Variants in SLC25A43 observed in about 807,000 individuals in gnomAD.
SLC25A43 encodes the protein solute carrier family 25 member 43.
Under a neutral mutation model 22.8 loss-of-function variants are expected in SLC25A43, and 10 were observed. That is an observed-to-expected ratio of 0.44 (90% confidence interval 0.27 to 0.74). SLC25A43 has a LOEUF of 0.74. Ranked by LOEUF, SLC25A43 falls within the 30% of genes least tolerant of loss-of-function variation. The pLI is 0.17. For synonymous variants in SLC25A43, 106 were observed against 121.6 expected, an observed-to-expected ratio of 0.87 and a Z score of 0.84; for missense variants, 233 against 279.1, an observed-to-expected ratio of 0.83 and a Z score of 1.18.
chrX:119,399,555 G>T lies in SLC25A43; in HGVS notation c.152G>T (p.Gly51Val). 1 of 1,064,101 alleles carries T rather than the reference G, an allele frequency of 9.4e-7. No homozygotes were observed. The highest frequency in any genetic ancestry group is 1.2e-6 in the Non-Finnish European group (1 of 826,004). The allele number at this position is 1,064,101 out of a possible 1,213,427, so 87.7% of individuals were successfully genotyped here. A position where few individuals can be genotyped will look rare whatever the true frequency, so the allele number is the denominator to read the frequency against. ...GGCGTCGTGCGAGGCCACGCCCGGG[G>T]ACCGTGGGCCACAGGGCACCGGGTG... ...QVGVVRGHARGPWATGHRVWR... is the reference protein window; with the variant it reads ...QVGVVRGHARVPWATGHRVWR... The change falls in exon 1 of 5, where the codon GGA (glycine) becomes GTA (valine). Residue 51 changes from glycine to valine, a missense_variant. Physicochemically the swap from Gly to Val is moderately radical, Grantham distance 109. Transcript: ENST00000217909.
Position 119,406,677 on chromosome X carries a change from C to G in SLC25A43, c.493C>G (p.Arg165Gly). The G allele has an allele frequency of 8.3e-7, 1 of 1,211,588 alleles. No homozygotes were observed. The highest frequency in any genetic ancestry group is 1.1e-6 in the Non-Finnish European group (1 of 895,264). Residue 165 changes from arginine to glycine, a missense_variant, in exon 2 of 5, where the codon CGA becomes GGA. Coordinates refer to ENST00000217909, the MANE Select transcript of SLC25A43 (RefSeq NM_145305.3). Reference protein sequence around the residue: ...YQQEGFLALYRGVSLTVVGAL... With the variant: ...YQQEGFLALYGGVSLTVVGAL... ...ACAGGAAGGGTTCCTTGCCCTTTAT[C>G]GAGGGGTTTCCCTCACTGTTGTAGG...
At chrX:119,401,342 G>C (rs2052235869) in intron 1 of SLC25A43, among the ~76,000 whole-genome samples, 1 of 111,752 alleles carries the variant, frequency 8.9e-6, no homozygotes. Context: ...GAAGGGGCAT[G>C]GTCCCTGTGC....
At chrX:119,418,111 C>T (rs1188216213) in intron 3 of SLC25A43, among the ~76,000 whole-genome samples, 1 of 111,202 alleles carries the variant, frequency 9.0e-6, no homozygotes, top group Non-Finnish European at 1.9e-5. Context: ...GTCCAGTTAA[C>T]AACTTCATAA....
intron 1 of SLC25A43, among the ~76,000 whole-genome samples, chrX:119,404,837 C>CA (rs1228560783): frequency 9.1e-6 from 1 of 110,191 alleles, no homozygotes; most frequent in Non-Finnish European, 1.9e-5. Flanking sequence ...AAAAAAATTG[C>CA]AAAAAAATCT....
At chrX:119,403,752 C>G (rs1485357952) in intron 1 of SLC25A43, among the ~76,000 whole-genome samples, 2 of 111,496 alleles carry the variant, frequency 1.8e-5, no homozygotes, top group African/African-American at 6.5e-5. Context: ...TGAGAAAAAC[C>G]TCTGTCAAAC....
At chrX:119,451,859 C>T in intron 3 of SLC25A43, 150 bp from the exon 4 acceptor site, 1 of 1,130,320 alleles carries the variant, frequency 8.8e-7, no homozygotes, top group Non-Finnish European at 1.2e-6. Context: ...GCCCACAGAA[C>T]AAGAAGAACC....
intron 2 of SLC25A43, 91 bp from the exon 3 acceptor site, chrX:119,410,099 T>C: frequency 9.6e-7 from 1 of 1,044,544 alleles, no homozygotes; most frequent in Non-Finnish European, 1.3e-6. Flanking sequence ...CCCCTCCTGT[T>C]TTCTTTCCCC....
rs1295385053 is a variant in SLC25A43, at chrX:119,406,842, C to T, written c.517+141C>T. On this transcript the variant is annotated intron_variant, in intron 2 of 4. Coordinates refer to ENST00000217909, the MANE Select transcript of SLC25A43 (RefSeq NM_145305.3). ...ATTCAACCTACATAGAGGCAATTAG[C>T]TTCATTCTATTCCATAGCCATACAC... 16 of 743,463 alleles carry T rather than the reference C, an allele frequency of 2.2e-5. No homozygotes were observed. The Admixed American group carries it at 6.2e-4, about 29-fold the overall frequency. 61.3% of individuals were successfully genotyped at this position (743,463 alleles called of 1,213,427 possible). A position where few individuals can be genotyped will look rare whatever the true frequency, so the allele number is the denominator to read the frequency against.
chrX:119,409,476 G>A lies in SLC25A43; in HGVS notation c.518-714G>A, dbSNP rs1220526048. 2.8e-5 allele frequency among the ~76,000 whole-genome samples: 3 copies of A among 106,934 alleles called. No homozygotes were observed. In the Admixed American group the frequency reaches 3.1e-4, roughly 11 times the overall value. 92.9% of individuals were successfully genotyped at this position (106,934 alleles called of 115,157 possible). On this transcript the variant is annotated intron_variant, in intron 2 of 4. Transcript: ENST00000217909. ...CCACCTCGGCCTCCCAAAGTGCTGG[G>A]ATTACAGGCGTGAGTTACTGTACTC...
At chrX:119,435,457 C>CTTTTTTTT (rs1175233726) in intron 3 of SLC25A43, among the ~76,000 whole-genome samples, 15 of 54,701 alleles carry the variant, frequency 2.7e-4, no homozygotes, top group African/African-American at 3.4e-4. Flanking sequence ...AGATTTTATT[C>CTTTTTTTT]TTTTTTTTTT....
At chrX:119,432,741 TCG>T (rs2052563143) in intron 3 of SLC25A43, among the ~76,000 whole-genome samples, 1 of 100,732 alleles carries the variant, frequency 9.9e-6, no homozygotes, top group Admixed American at 1.1e-4. Flanking sequence ...TAAGCCAAGA[TCG>T]TGCCACTGCA....
At chrX:119,402,549 TC>T (rs755025851) in intron 1 of SLC25A43, among the ~76,000 whole-genome samples, 3 of 112,132 alleles carry the variant, frequency 2.7e-5, no homozygotes, top group African/African-American at 9.7e-5. Context: ...AATAAGCACT[TC>T]ATGAGCTTAT....
chrX:119,450,243 G>T (rs1402820075), intron 3 of SLC25A43, among the ~76,000 whole-genome samples: 2 of 111,191 alleles, frequency 1.8e-5, no homozygotes, highest in Non-Finnish European at 3.8e-5. Context: ...AAGAGTTCCT[G>T]GTTATCAGTG....
chrX:119,410,298 G>A lies in SLC25A43; in HGVS notation c.626G>A (p.Cys209Tyr), dbSNP rs892878228. 2.5e-6 allele frequency: 3 copies of A among 1,211,301 alleles called. No individual in the cohort carries two copies. The highest frequency in any genetic ancestry group is 3.4e-6 in the Non-Finnish European group (3 of 895,387). The change falls in exon 3 of 5, where the codon TGT (cysteine) becomes TAT (tyrosine). Residue 209 changes from cysteine to tyrosine, a missense_variant. Coordinates refer to ENST00000217909, the MANE Select transcript of SLC25A43 (RefSeq NM_145305.3). Reference protein sequence around the residue: ...FSLPQNFANVCLAAAVTQTLS... With the variant: ...FSLPQNFANVYLAAAVTQTLS... ...CTCCCACAGAACTTTGCTAATGTCT[G>A]TCTGGCTGCTGCAGTGACCCAGACC...
rs528295224 is a variant in SLC25A43, at chrX:119,433,663, A to C, written c.691-18346A>C. Among the ~76,000 whole-genome samples, 43 of 112,533 alleles carry C rather than the reference A, an allele frequency of 3.8e-4. No individual in the cohort carries two copies. In the South Asian group the frequency reaches 0.016, roughly 41 times the overall value. On this transcript the variant is annotated intron_variant, in intron 3 of 4. Coordinates refer to ENST00000217909, the MANE Select transcript of SLC25A43 (RefSeq NM_145305.3). Reference sequence around the variant, plus strand: ...AAGGCTTCTGAGCAAAGCAATGGTAACATCTGATGAGTTTGGAAGGGTACT... The same window carrying C: ...AAGGCTTCTGAGCAAAGCAATGGTACCATCTGATGAGTTTGGAAGGGTACT...
intron 1 of SLC25A43, among the ~76,000 whole-genome samples, chrX:119,403,218 T>G (rs1603293500): frequency 9.0e-6 from 1 of 110,864 alleles, no homozygotes. Context: ...GAATGAATGG[T>G]ATTTCTTTGG....
intron 3 of SLC25A43, among the ~76,000 whole-genome samples, chrX:119,412,107 T>TGTA (rs1182716707): frequency 1.8e-5 from 2 of 111,040 alleles, no homozygotes; most frequent in African/African-American, 6.5e-5. Flanking sequence ...GCTTTCCCTC[T>TGTA]GTAGTAGTCC....
At chrX:119,434,670 G>A (rs751648061) in intron 3 of SLC25A43, 4 of 108,531 alleles carry the variant, frequency 3.7e-5, no homozygotes, top group Admixed American at 2.0e-4. Context: ...TCTCGGGAGC[G>A]GGGGACCACC....
chrX:119,414,833 G>A (rs1360316741), intron 3 of SLC25A43, among the ~76,000 whole-genome samples: 2 of 107,304 alleles, frequency 1.9e-5, no homozygotes, highest in Admixed American at 2.0e-4. Context: ...CTGTAGCCTC[G>A]ACTTCCCAGG....
Sources: allele counts gnomAD v4.1 joint callset (sites outside exome capture counted in the v4.1 genomes callset), GRCh38; gene constraint gnomAD v4.1.1; transcripts MANE v1.5; gene names NCBI Gene and HGNC (gene_info 2026-07-23, HGNC 2026-07-21).